Variants in NUDT3 observed in about 807,000 individuals in gnomAD.
NUDT3 encodes diphosphoinositol polyphosphate phosphohydrolase 1.
NUDT3 carries 9 observed loss-of-function variants against 23.6 expected under a neutral mutation model. The observed-to-expected ratio is 0.38, with a 90% CI of 0.23 to 0.66. The LOEUF (loss-of-function observed/expected upper bound fraction) is 0.66. Among genes scored for constraint, NUDT3 ranks in the 30% least tolerant of loss-of-function variants. The probability of loss-of-function intolerance (pLI) is 0.52; values close to 1 mark genes in which losing one functional copy is unlikely to be tolerated. For missense variants in NUDT3, 172 were observed against 218.5 expected (o/e 0.79, Z 1.34); for synonymous variants, 86 against 82.6 (o/e 1.04, Z -0.22).
chr6:34,369,406 T>TA (rs1764793059), intron 1 of NUDT3, among the ~76,000 whole-genome samples: 1 of 152,238 alleles, frequency 6.6e-6, no homozygotes. Flanking sequence ...GTAGTTTTCT[T>TA]AAAGTTCAAA....
intron 2 of NUDT3, among the ~76,000 whole-genome samples, chr6:34,297,749 A>T (rs1763531400): frequency 3.9e-5 from 4 of 103,352 alleles, no homozygotes; most frequent in African/African-American, 1.3e-4. Context: ...ATATATATAT[A>T]TATATATATA....
intron 1 of NUDT3, among the ~76,000 whole-genome samples, chr6:34,385,222 CAAG>C (rs1765085834): frequency 6.6e-6 from 1 of 151,572 alleles, no homozygotes; most frequent in Admixed American, 6.6e-5. Context: ...TTTGGGAGGC[CAAG>C]AAGGGAGGAT....
chr6:34,313,441 G>A (rs1381703655), intron 2 of NUDT3, among the ~76,000 whole-genome samples: 1 of 152,080 alleles, frequency 6.6e-6, no homozygotes, highest in Non-Finnish European at 1.5e-5. Flanking sequence ...ATGTCATTAT[G>A]CCTTTCTACA....
intron 1 of NUDT3, among the ~76,000 whole-genome samples, chr6:34,353,919 TC>T (rs796535950): frequency 0.015 from 2,338 of 151,562 alleles, 61 homozygotes; most frequent in African/African-American, 0.054. Context: ...CTAGTCTTTT[TC>T]TTTTTTTTTT....
intron 1 of NUDT3, among the ~76,000 whole-genome samples, chr6:34,356,774 T>TG (rs1319455921): frequency 6.6e-6 from 1 of 151,982 alleles, no homozygotes; most frequent in African/African-American, 2.4e-5. Context: ...TATGGAATTG[T>TG]GGGGGTTTTT....
Position 34,311,313 on chromosome 6 carries a change from A to G in NUDT3, c.211-15628T>C, listed in dbSNP as rs573924642. 4.4e-3 allele frequency among the ~76,000 whole-genome samples: 664 copies of G among 152,328 alleles called. 2 individuals carry two copies. The highest frequency in any genetic ancestry group is 0.015 in the African/African-American group (630 of 41,582). On this transcript the variant is annotated intron_variant, in intron 2 of 4. Coordinates refer to ENST00000607016, the MANE Select transcript of NUDT3 (RefSeq NM_006703.4). ...GAATAAACAAGTAGAATTTCAAATT[A>G]AAAACATATCATTTAATTTACATTA...
intron 1 of NUDT3, among the ~76,000 whole-genome samples, chr6:34,367,327 C>T (rs1200131755): frequency 6.6e-6 from 1 of 151,824 alleles, no homozygotes; most frequent in Non-Finnish European, 1.5e-5. Context: ...ACAATTAACA[C>T]AAAAATTAGC....
intron 1 of NUDT3, among the ~76,000 whole-genome samples, chr6:34,373,555 C>T (rs1218955368): frequency 2.0e-5 from 3 of 151,980 alleles, no homozygotes. Flanking sequence ...GGCTATTTTC[C>T]AAATTTGCTA....
chr6:34,314,516 G>T, intron 2 of NUDT3, among the ~76,000 whole-genome samples: 1 of 147,732 alleles, frequency 6.8e-6, no homozygotes. Flanking sequence ...CCAAGATCCA[G>T]CCACTGCATT....
intron 2 of NUDT3, among the ~76,000 whole-genome samples, chr6:34,297,760 A>ATATATATATT (rs1763535832): frequency 3.7e-5 from 2 of 53,644 alleles, no homozygotes; most frequent in Non-Finnish European, 6.2e-5. Context: ...TATATATATA[A>ATATATATATT]TTTTTTTTTT....
At position 34,381,422 on chromosome 6, in the gene NUDT3, T is replaced by C. The variant is rs533388755; in HGVS notation, c.99+10842A>G. 9.2e-5 allele frequency among the ~76,000 whole-genome samples: 14 copies of C among 152,126 alleles called. No homozygotes were observed. In the South Asian group the frequency reaches 1.5e-3, roughly 16 times the overall value. ...TATAGATACCACAATACAATTACTTTTGTAACCAAAAATAATAATTCCCTC... is the reference window on the plus strand; with the variant it reads ...TATAGATACCACAATACAATTACTTCTGTAACCAAAAATAATAATTCCCTC... On this transcript the variant is annotated intron_variant, in intron 1 of 4. Transcript: ENST00000607016.
At chr6:34,351,755 A>AAG (rs1170934739) in intron 1 of NUDT3, among the ~76,000 whole-genome samples, 3 of 139,278 alleles carry the variant, frequency 2.2e-5, no homozygotes, top group Non-Finnish European at 3.1e-5. Flanking sequence ...AAAAAAAAAA[A>AAG]AAAAAAAGAA....
intron 1 of NUDT3, among the ~76,000 whole-genome samples, chr6:34,374,617 C>T (rs190702167): frequency 1.9e-3 from 285 of 152,218 alleles, no homozygotes; most frequent in African/African-American, 6.6e-3. Context: ...CTAGTCCTTT[C>T]GCACTGTGTC....
chr6:34,354,980 A>G (rs1450944608), intron 1 of NUDT3, among the ~76,000 whole-genome samples: 1 of 151,928 alleles, frequency 6.6e-6, no homozygotes, highest in Non-Finnish European at 1.5e-5. Context: ...AAATAAAGAT[A>G]GTTTTGCCTC....
At position 34,280,057 on chromosome 6, in the gene NUDT3, CCTTT is replaced by C. The variant is rs150366082; in HGVS notation, c.*8692_*8695del. 4.7e-3 allele frequency: 714 copies of C among 152,384 alleles called. 12 individuals are homozygous for C. Among genetic ancestry groups the C allele is most frequent in the African/African-American group, 0.016 (661 of 41,552 alleles). The allele number at this position is 152,384 out of a possible 1,614,324, so 9.4% of individuals were successfully genotyped here. On this transcript the variant is annotated 3_prime_UTR_variant, in exon 5 of 5. Transcript: ENST00000607016. ...CCAAACCTGGGGCTGGACCAGTGCC[CCTTT>C]CTTCTCAGCCCTCCTCCACAGCCTG...
At chr6:34,343,717 C>G in intron 1 of NUDT3, among the ~76,000 whole-genome samples, 1 of 151,794 alleles carries the variant, frequency 6.6e-6, no homozygotes, top group East Asian at 1.9e-4. Flanking sequence ...GAAGCATGAG[C>G]AACAAAAGGG....
chr6:34,331,811 T>C (rs1454331980), intron 2 of NUDT3, among the ~76,000 whole-genome samples: 1 of 152,230 alleles, frequency 6.6e-6, no homozygotes, highest in Non-Finnish European at 1.5e-5. Flanking sequence ...CAGTTGATCC[T>C]TGAATAATGT....
rs139185036 is a variant in NUDT3 at position 34,301,804 on chromosome 6, T to C, written c.211-6119A>G. 1.2e-3 allele frequency among the ~76,000 whole-genome samples: 185 copies of C among 152,352 alleles called. 1 individual carries two copies. The East Asian group carries it at 0.013, about 11-fold the overall frequency. On this transcript the variant is annotated intron_variant, in intron 2 of 4. Coordinates refer to ENST00000607016, the MANE Select transcript of NUDT3 (RefSeq NM_006703.4). ...CCAAAGTACACAGGCAGTGTATGAG[T>C]TGCCATCACTCTTGTTCCTCTTCAA...
intron 2 of NUDT3, among the ~76,000 whole-genome samples, chr6:34,308,111 C>T: frequency 1.5e-5 from 1 of 66,616 alleles, no homozygotes; most frequent in Non-Finnish European, 2.8e-5. Context: ...CACAGAGAAA[C>T]TCTGTCTCAA....
Sources: gnomAD v4.1 joint callset for allele counts (sites outside exome capture counted in the v4.1 genomes callset) on GRCh38, gnomAD v4.1.1 for gene constraint, MANE v1.5 for transcripts, NCBI Gene and HGNC (gene_info 2026-07-23, HGNC 2026-07-21) for gene names.